The following KLHL20 variants were observed in gnomAD, a reference collection of about 807,000 sequenced individuals.
KLHL20 encodes kelch like family member 20, also known as kelch-like protein 20.
KLHL20 carries 29 observed loss-of-function variants against 69.5 expected under a neutral mutation model. That is an observed-to-expected ratio of 0.42 (90% CI 0.31 to 0.57). The LOEUF (loss-of-function observed/expected upper bound fraction) is 0.57. Ranked by LOEUF, KLHL20 falls within the 20% of genes least tolerant of loss-of-function variation. KLHL20 has a pLI of 0.18. For missense variants in KLHL20, 419 were observed against 776.0 expected (o/e 0.54, Z 5.47); for synonymous variants, 253 against 265.2 (o/e 0.95, Z 0.45).
At position 173,725,693 on chromosome 1, in the gene KLHL20, G is replaced by C. The variant is rs1015836439; in HGVS notation, c.24-8020G>C. ...ATGTACAGGAAATGCCCAACTTACA[G>C]ACTTCTACAGTTTATGTATACTAGC... On this transcript the variant is annotated intron_variant, in intron 2 of 11. Coordinates refer to ENST00000209884, the MANE Select transcript of KLHL20 (RefSeq NM_014458.4). Among the ~76,000 whole-genome samples the C allele has an allele frequency of 3.9e-5, 6 of 152,184 alleles. No homozygotes were observed. In the South Asian group the frequency reaches 8.3e-4, roughly 21 times the overall value.
chr1:173,775,971 G>C, intron 10 of KLHL20, 129 bp downstream of exon 10: 1 of 713,392 alleles, frequency 1.4e-6, no homozygotes, highest in Non-Finnish European at 2.4e-6. Context: ...CTAGCAGTAA[G>C]ATTGCTGGAT....
chr1:173,732,374 A>T (rs1039610840), intron 2 of KLHL20, among the ~76,000 whole-genome samples: 1 of 152,162 alleles, frequency 6.6e-6, no homozygotes, highest in African/African-American at 2.4e-5. Context: ...AATAATCTGA[A>T]AAAGAGAGAG....
chr1:173,774,168 TA>T, intron 8 of KLHL20, 136 bp from the exon 9 acceptor site: 1 of 1,029,690 alleles, frequency 9.7e-7, no homozygotes, highest in Non-Finnish European at 1.4e-6. Context: ...AATGACTAAG[TA>T]AAATGTTAGA....
intron 3 of KLHL20, among the ~76,000 whole-genome samples, chr1:173,748,897 C>G (rs572705161): frequency 6.6e-6 from 1 of 151,898 alleles, no homozygotes; most frequent in African/African-American, 2.4e-5. Flanking sequence ...TTTTTAATGT[C>G]TTGCTCTAAC....
chr1:173,761,395 T>TG (rs1293324661), intron 7 of KLHL20, among the ~76,000 whole-genome samples: 16 of 152,094 alleles, frequency 1.1e-4, no homozygotes, highest in African/African-American at 3.6e-4. Flanking sequence ...ACTTAACAGA[T>TG]ATATACAGAA....
In KLHL20 at chr1:173,780,972, A is replaced by G. The variant is rs947059734; in HGVS notation, c.1639-1152A>G. On this transcript the variant is annotated intron_variant, in intron 10 of 11. Coordinates refer to ENST00000209884, the MANE Select transcript of KLHL20 (RefSeq NM_014458.4). ...CTGCCACTGCACTGCAGCCTGAGTGACAGAGCGAGACCCTGTGAGTGAGAG... is the reference window on the plus strand; with the variant it reads ...CTGCCACTGCACTGCAGCCTGAGTGGCAGAGCGAGACCCTGTGAGTGAGAG... Among the ~76,000 whole-genome samples the G allele has an allele frequency of 2.0e-5, 3 of 147,348 alleles. No individual in the cohort carries two copies. The Admixed American group carries it at 2.1e-4, about 10-fold the overall frequency.
At chr1:173,728,686 G>GAA (rs1438311604) in intron 2 of KLHL20, among the ~76,000 whole-genome samples, 2 of 152,170 alleles carry the variant, frequency 1.3e-5, no homozygotes, top group African/African-American at 4.8e-5. Context: ...GATGTTCTTT[G>GAA]AAACCAACGA....
chr1:173,773,720 G>A (rs1406492919), intron 8 of KLHL20, among the ~76,000 whole-genome samples: 1 of 151,948 alleles, frequency 6.6e-6, no homozygotes, highest in African/African-American at 2.4e-5. Context: ...TGAAGAAAGA[G>A]CCTGTGTTGC....
chr1:173,752,825 TG>T (rs1399224379), intron 4 of KLHL20, among the ~76,000 whole-genome samples: 1 of 152,164 alleles, frequency 6.6e-6, no homozygotes, highest in African/African-American at 2.4e-5. Context: ...TAGGGTACCA[TG>T]GGTCATGTAT....
rs767298127 is a variant in KLHL20, at chr1:173,733,914, C to A, written c.225C>A (p.Gly75=). The change falls in exon 3 of 12, where the codon GGC becomes GGA. Residue 75 remains glycine (G), a synonymous_variant. Transcript: ENST00000209884. The part of the protein sequence containing the change: ...RELCDVVLVV[G]AKKIYAHRVI... ...TATGTGATGTGGTGCTAGTTGTGGG[C>A]GCCAAGAAGATATATGCCCATCGAG... 1.2e-6 allele frequency: 2 copies of A among 1,614,122 alleles called. No individual in the cohort carries two copies. Among genetic ancestry groups the A allele is most frequent in the Non-Finnish European group, 1.7e-6 (2 of 1,180,040 alleles).
chr1:173,730,181 C>A (rs1672192863), intron 2 of KLHL20, among the ~76,000 whole-genome samples: 1 of 152,100 alleles, frequency 6.6e-6, no homozygotes, highest in Non-Finnish European at 1.5e-5. Context: ...AGGATCTCTT[C>A]AAGGAGAACT....
chr1:173,781,059 A>T (rs1487105883), intron 10 of KLHL20, among the ~76,000 whole-genome samples: 1 of 42,354 alleles, frequency 2.4e-5, no homozygotes, highest in African/African-American at 6.8e-5. Flanking sequence ...GAGGTGGGGG[A>T]GGGGAGGGGA....
At chr1:173,763,830 A>C (rs190060711) in intron 7 of KLHL20, among the ~76,000 whole-genome samples, 3 of 150,624 alleles carry the variant, frequency 2.0e-5, no homozygotes, top group Admixed American at 6.6e-5. Context: ...GGCTTAGGCA[A>C]GGATTTCATG....
chr1:173,759,553 G>A (rs1418232960), intron 7 of KLHL20, among the ~76,000 whole-genome samples: 1 of 152,192 alleles, frequency 6.6e-6, no homozygotes, highest in African/African-American at 2.4e-5. Flanking sequence ...ACAGGACTCT[G>A]TGCAGACATC....
chr1:173,761,469 T>G (rs1647307420), intron 7 of KLHL20, among the ~76,000 whole-genome samples: 1 of 152,196 alleles, frequency 6.6e-6, no homozygotes, highest in Non-Finnish European at 1.5e-5. Flanking sequence ...TTCTCCAAGA[T>G]AGACCATAAG....
At chr1:173,717,849 A>G (rs1490491257) in intron 2 of KLHL20, among the ~76,000 whole-genome samples, 1 of 152,218 alleles carries the variant, frequency 6.6e-6, no homozygotes, top group African/African-American at 2.4e-5. Flanking sequence ...TTGATTATAA[A>G]GTTTTATGAA....
At chr1:173,744,335 A>G (rs1203223210) in intron 3 of KLHL20, among the ~76,000 whole-genome samples, 10 of 151,958 alleles carry the variant, frequency 6.6e-5, no homozygotes, top group Non-Finnish European at 1.5e-4. Flanking sequence ...TGCTATTAAG[A>G]TTTTTGGTTT....
intron 7 of KLHL20, among the ~76,000 whole-genome samples, chr1:173,758,977 C>T (rs1571907505): frequency 6.6e-6 from 1 of 152,162 alleles, no homozygotes; most frequent in Non-Finnish European, 1.5e-5. Flanking sequence ...TAGCCTGGGG[C>T]AAGCCTGCTG....
chr1:173,723,736 C>T (rs1222089087), intron 2 of KLHL20, among the ~76,000 whole-genome samples: 2 of 152,164 alleles, frequency 1.3e-5, no homozygotes. Context: ...AGTCATCCCC[C>T]TTTTAAGTAG....
Sources: allele counts gnomAD v4.1 joint callset (sites outside exome capture counted in the v4.1 genomes callset), GRCh38; gene constraint gnomAD v4.1.1; transcripts MANE v1.5; gene names NCBI Gene and HGNC (gene_info 2026-07-23, HGNC 2026-07-21).